GABRE: variants seen among roughly 807,000 people sequenced by gnomAD.
GABRE encodes the protein gamma-aminobutyric acid receptor subunit epsilon.
Under a neutral mutation model 31.0 loss-of-function variants are expected in GABRE, and 20 were observed. The observed-to-expected ratio is 0.64, with a 90% CI of 0.45 to 0.94. The LOEUF (loss-of-function observed/expected upper bound fraction) is 0.94, where lower values mean the gene tolerates loss of function less well. Among genes scored for constraint, GABRE ranks in the 40% least tolerant of loss-of-function variants. GABRE has a pLI of 0.00. For missense variants in GABRE, 420 were observed against 410.7 expected (o/e 1.02, Z -0.20); for synonymous variants, 155 against 150.6 (o/e 1.03, Z -0.21).
At chrX:151,962,105 G>A (rs1462276959) in intron 4 of GABRE, among the ~76,000 whole-genome samples, 1 of 111,522 alleles carries the variant, frequency 9.0e-6, no homozygotes, top group Non-Finnish European at 1.9e-5. Context: ...TGTATCGAGT[G>A]CCCACGTAGG....
chrX:151,973,742 A>AG (rs924866625), intron 1 of GABRE, among the ~76,000 whole-genome samples: 1 of 111,997 alleles, frequency 8.9e-6, no homozygotes, highest in African/African-American at 3.3e-5. Context: ...GCCAAGTCTC[A>AG]GGGCGAGGAG....
intron 1 of GABRE, 88 bp downstream of exon 1, chrX:151,974,482 G>C: frequency 3.1e-6 from 2 of 638,534 alleles, no homozygotes; most frequent in East Asian, 8.8e-5. Flanking sequence ...GAGGAACGCG[G>C]GGCCGCTGGG....
rs1423261540 is a variant in GABRE, at chrX:151,962,460, G to A, written c.526C>T (p.Arg176Cys). The A allele has an allele frequency of 2.2e-5, 27 of 1,208,617 alleles. No individual in the cohort carries two copies. Among genetic ancestry groups the A allele is most frequent in the Admixed American group, 4.4e-5 (2 of 45,623 alleles). ...HEITMPNQMV[R>C]IYKDGKVLYT... ...AACACCTTGCCATCCTTGTAGATGC[G>A]GACCATCTGGTTGGGCATGGTGATC... is the stretch of plus-strand genomic sequence containing the variant. Residue 176 changes from arginine to cysteine, a missense_variant, in exon 4 of 9, where the codon CGC (arginine) becomes TGC (cysteine). Transcript: ENST00000370328.
At chrX:151,970,812 C>G (rs1934671980) in intron 1 of GABRE, among the ~76,000 whole-genome samples, 1 of 112,337 alleles carries the variant, frequency 8.9e-6, no homozygotes, top group Non-Finnish European at 1.9e-5. Flanking sequence ...GAGAGGAATG[C>G]TTGCGAAAGC....
At chrX:151,965,248 T>C (rs910305797) in intron 3 of GABRE, among the ~76,000 whole-genome samples, 1 of 112,141 alleles carries the variant, frequency 8.9e-6, no homozygotes, top group Non-Finnish European at 1.9e-5. Context: ...TTATTTTGCT[T>C]ATTTTGTTTT....
intron 4 of GABRE, 129 bp from the exon 5 acceptor site, chrX:151,961,494 C>T: frequency 2.2e-6 from 1 of 464,089 alleles, no homozygotes; most frequent in South Asian, 3.6e-5. Context: ...GAGACAGAGT[C>T]TCACTCTGTC....
chrX:151,955,309 C>A, intron 8 of GABRE, 59 bp downstream of exon 8: 1 of 1,209,422 alleles, frequency 8.3e-7, no homozygotes, highest in Non-Finnish European at 1.1e-6. Context: ...CCCCAGTACC[C>A]TTGCTAGCAT....
chrX:151,970,115 G>A, intron 2 of GABRE, 70 bp downstream of exon 2: 2 of 1,184,496 alleles, frequency 1.7e-6, no homozygotes, highest in East Asian at 3.0e-5. Context: ...CTGCCCAGGT[G>A]CATTCTCCAT....
In GABRE at chrX:151,967,727, C is replaced by A. The variant is rs72614766; in HGVS notation, c.342+1942G>T. 1.0e-3 allele frequency among the ~76,000 whole-genome samples: 117 copies of A among 112,218 alleles called. No homozygotes were observed. In the East Asian group the frequency reaches 0.02, roughly 19 times the overall value. On this transcript the variant is annotated intron_variant, in intron 3 of 8. Coordinates refer to ENST00000370328, the MANE Select transcript of GABRE (RefSeq NM_004961.4). The stretch of plus-strand genomic sequence containing the variant: ...TTATCAAGGGAAGAGTCAAGAAAAC[C>A]CCACCAATTTTAAAATGTAGACAGA...
intron 3 of GABRE, among the ~76,000 whole-genome samples, chrX:151,968,400 T>C (rs1341303715): frequency 8.9e-6 from 1 of 112,708 alleles, no homozygotes; most frequent in Admixed American, 9.4e-5. Flanking sequence ...TACATAGTAA[T>C]GCATAGGTAG....
At position 151,954,802 on chromosome X, in the gene GABRE, A is replaced by G; in HGVS notation, c.1420T>C (p.Cys474Arg). ...EGSTWQQGRL[C>R]IHVYRLDNYS... ...TTATCCAGGCGGTAGACATGGATGC[A>G]GAGGCGGCCCTGCTGCCAGGTACTG... is the stretch of plus-strand genomic sequence containing the variant. The change falls in exon 9 of 9, where the codon TGC becomes CGC. Residue 474 changes from cysteine (C) to arginine (R), a missense_variant. Coordinates refer to ENST00000370328, the MANE Select transcript of GABRE (RefSeq NM_004961.4). 1.7e-6 allele frequency: 2 copies of G among 1,211,893 alleles called. No homozygotes were observed. The highest frequency in any genetic ancestry group is 2.2e-6 in the Non-Finnish European group (2 of 895,284).
chrX:151,958,569 C>T (rs1260890168), intron 6 of GABRE: 1 of 377,841 alleles, frequency 2.6e-6, no homozygotes, highest in Middle Eastern at 4.6e-4. Flanking sequence ...GATGATGATG[C>T]TGGCTCTGGG....
intron 6 of GABRE, chrX:151,958,823 G>A: frequency 7.5e-6 from 2 of 267,306 alleles, no homozygotes; most frequent in South Asian, 3.5e-5. Flanking sequence ...AAGAAAAAGG[G>A]CAAGTATTTT....
intron 6 of GABRE, chrX:151,959,116 C>A: frequency 3.1e-6 from 1 of 318,823 alleles, no homozygotes; most frequent in South Asian, 2.7e-5. Flanking sequence ...GGGAGCTACC[C>A]TGGGGAGGTC....
At position 151,958,387 on chromosome X, in the gene GABRE, C is replaced by T. The variant is rs757737068; in HGVS notation, c.784+1452G>A. The T allele has an allele frequency of 1.6e-5, 4 of 257,959 alleles. No homozygotes were observed. The East Asian group carries it at 4.6e-4, about 30-fold the overall frequency. The allele number at this position is 257,959 out of a possible 1,213,427, so 21.3% of individuals were successfully genotyped here. On this transcript the variant is annotated intron_variant, in intron 6 of 8. Coordinates refer to ENST00000370328, the MANE Select transcript of GABRE (RefSeq NM_004961.4). The stretch of plus-strand genomic sequence containing the variant: ...TATGCTCCAGATGGAGAGACCTGCC[C>T]CAGGGCCCAACTGGAAGAGTTTGAG...
At chrX:151,961,878 C>A (rs2856389) in intron 4 of GABRE, among the ~76,000 whole-genome samples, 2 of 112,306 alleles carry the variant, frequency 1.8e-5, no homozygotes, top group African/African-American at 6.5e-5. Flanking sequence ...TCTGGTTACT[C>A]TGGGCTCCAT....
intron 1 of GABRE, among the ~76,000 whole-genome samples, chrX:151,973,067 C>G (rs1934766226): frequency 9.2e-6 from 1 of 108,764 alleles, no homozygotes; most frequent in Non-Finnish European, 1.9e-5. Flanking sequence ...TTTTTTCATT[C>G]TACAGATGGA....
chrX:151,974,041 C>G (rs1934811268), intron 1 of GABRE, among the ~76,000 whole-genome samples: 1 of 111,038 alleles, frequency 9.0e-6, no homozygotes, highest in Non-Finnish European at 1.9e-5. Context: ...TCAGAGTTGC[C>G]TGGCGCAGTG....
rs1250807775 is a variant in GABRE, at chrX:151,953,170, G to T, written c.*1531C>A. 2 of 111,467 alleles carry T rather than the reference G, an allele frequency of 1.8e-5. No individual in the cohort carries two copies. Among genetic ancestry groups the T allele is most frequent in the East Asian group, 5.6e-4 (2 of 3,548 alleles). 9.2% of individuals were successfully genotyped at this position (111,467 alleles called of 1,213,427 possible). A position where few individuals can be genotyped will look rare whatever the true frequency, so the allele number is the denominator to read the frequency against. On this transcript the variant is annotated 3_prime_UTR_variant, in exon 9 of 9. Coordinates refer to ENST00000370328, the MANE Select transcript of GABRE (RefSeq NM_004961.4). ...TACATATTTCCCCATTTCAGATGAT[G>T]GTGACAAAAAGTAGATGGAGACCCC...
Sources: gnomAD v4.1 joint callset for allele counts (sites outside exome capture counted in the v4.1 genomes callset) on GRCh38, gnomAD v4.1.1 for gene constraint, MANE v1.5 for transcripts, NCBI Gene and HGNC (gene_info 2026-07-23, HGNC 2026-07-21) for gene names.